Variants in KCNH5 observed in about 807,000 individuals in gnomAD.
KCNH5 encodes voltage-gated delayed rectifier potassium channel KCNH5.
Under a neutral mutation model 96.1 loss-of-function variants are expected in KCNH5, and 46 were observed. The ratio of observed to expected loss-of-function variants is 0.48; its 90% CI spans 0.38 to 0.61. The LOEUF (loss-of-function observed/expected upper bound fraction) is 0.61, where lower values mean the gene tolerates loss of function less well. KCNH5 is among the 20% of genes least tolerant of loss of function. The pLI is 0.00. For missense variants in KCNH5, 907 were observed against 1,225.8 expected (o/e 0.74, Z 3.88); for synonymous variants, 439 against 449.8 (o/e 0.98, Z 0.30).
At chr14:63,006,207 A>T (rs1891122185) in intron 3 of KCNH5, among the ~76,000 whole-genome samples, 159 bp downstream of exon 3, 1 of 152,152 alleles carries the variant, frequency 6.6e-6, no homozygotes, top group African/African-American at 2.4e-5. Context: ...AGAATTATTT[A>T]TTAATTTTAT....
intron 7 of KCNH5, among the ~76,000 whole-genome samples, chr14:62,857,101 C>A (rs1566684127): frequency 6.6e-6 from 1 of 152,076 alleles, no homozygotes; most frequent in Non-Finnish European, 1.5e-5. Context: ...ATTACCATAA[C>A]TGACTTTGTC....
intron 10 of KCNH5, among the ~76,000 whole-genome samples, chr14:62,738,792 A>G (rs976702442): frequency 2.0e-5 from 3 of 152,158 alleles, no homozygotes; most frequent in Non-Finnish European, 4.4e-5. Context: ...GCAGTTCGCA[A>G]TCCAGTTAGA....
chr14:62,749,874 G>A (rs748327675), intron 10 of KCNH5, among the ~76,000 whole-genome samples: 2 of 152,190 alleles, frequency 1.3e-5, no homozygotes, highest in Non-Finnish European at 2.9e-5. Context: ...TCCTAAGGCT[G>A]AAGATATGTT....
Position 62,908,868 on chromosome 14 carries a change from T to C in KCNH5, c.1369+41265A>G, listed in dbSNP as rs540641118. Among the ~76,000 whole-genome samples the C allele has an allele frequency of 3.6e-5, 5 of 139,692 alleles. No individual in the cohort carries two copies. In the East Asian group the frequency reaches 1.1e-3, roughly 31 times the overall value. 91.6% of individuals were successfully genotyped at this position (139,692 alleles called of 152,430 possible). ...CAATATGGAGTCCTGTGACTCCTTC[T>C]AGCAAATCACCAAACTTGGGGGTGG... is the stretch of plus-strand genomic sequence containing the variant. On this transcript the variant is annotated intron_variant, in intron 7 of 10. Coordinates refer to ENST00000322893, the MANE Select transcript of KCNH5 (RefSeq NM_139318.5).
At chr14:62,715,191 G>A (rs1412760790) in intron 10 of KCNH5, among the ~76,000 whole-genome samples, 1 of 152,066 alleles carries the variant, frequency 6.6e-6, no homozygotes, top group African/African-American at 2.4e-5. Context: ...ACTGAACTTT[G>A]AAATCCAATA....
intron 10 of KCNH5, among the ~76,000 whole-genome samples, chr14:62,746,565 A>G (rs1885379986): frequency 6.6e-6 from 1 of 152,248 alleles, no homozygotes; most frequent in Non-Finnish European, 1.5e-5. Context: ...CCAGCCATCT[A>G]TCCTGGAAAG....
chr14:62,950,236 A>C lies in KCNH5; in HGVS notation c.1266T>G (p.Ser422=). ...GPSKDSLYVS[S]LYFTMTSLTT... is the part of the protein sequence containing the mutation. ...TAAGGCTTGTCATGGTAAAGTAGAG[A>C]GAGGACACGTACAATGAATCCTTGC... The change falls in exon 7 of 11, where the codon TCT becomes TCG. Residue 422 remains serine, a synonymous_variant. Coordinates refer to ENST00000322893, the MANE Select transcript of KCNH5 (RefSeq NM_139318.5). The C allele has an allele frequency of 6.2e-7, 1 of 1,613,996 alleles. No homozygotes were observed. The highest frequency in any genetic ancestry group is 8.5e-7 in the Non-Finnish European group (1 of 1,179,936).
At chr14:62,874,591 C>A in intron 7 of KCNH5, among the ~76,000 whole-genome samples, 1 of 151,494 alleles carries the variant, frequency 6.6e-6, no homozygotes, top group Admixed American at 6.6e-5. Flanking sequence ...AGACAAAAAC[C>A]ACATGATTAT....
chr14:62,835,860 T>C (rs921406035), intron 8 of KCNH5, among the ~76,000 whole-genome samples: 2 of 152,046 alleles, frequency 1.3e-5, no homozygotes, highest in Admixed American at 6.6e-5. Flanking sequence ...CAATTTTTTA[T>C]GATTGCCCTC....
At chr14:62,925,003 G>A (rs1889446900) in intron 7 of KCNH5, among the ~76,000 whole-genome samples, 1 of 151,946 alleles carries the variant, frequency 6.6e-6, no homozygotes, top group Admixed American at 6.6e-5. Context: ...TGGTGGATAT[G>A]TTAATTAGCT....
chr14:62,930,498 T>A (rs1417204113), intron 7 of KCNH5, among the ~76,000 whole-genome samples: 2 of 152,152 alleles, frequency 1.3e-5, no homozygotes, highest in East Asian at 3.9e-4. Context: ...AAGATACAGC[T>A]TCACAAGCAT....
intron 7 of KCNH5, among the ~76,000 whole-genome samples, chr14:62,852,472 C>T (rs1887825810): frequency 6.6e-6 from 1 of 152,198 alleles, no homozygotes. Context: ...TGCAGAAATA[C>T]TGCAGAAAGC....
chr14:62,830,740 T>C (rs1389506326), intron 8 of KCNH5, among the ~76,000 whole-genome samples: 3 of 152,096 alleles, frequency 2.0e-5, no homozygotes, highest in Non-Finnish European at 1.5e-5. Context: ...ACCATATCAA[T>C]TGGTGATCCT....
At chr14:62,998,396 A>G (rs2139587840) in intron 4 of KCNH5, among the ~76,000 whole-genome samples, 1 of 152,292 alleles carries the variant, frequency 6.6e-6, no homozygotes, top group Middle Eastern at 3.4e-3. Flanking sequence ...GACCTGTTCA[A>G]AGAACCAGCT....
intron 8 of KCNH5, among the ~76,000 whole-genome samples, chr14:62,833,172 T>C (rs1887393354): frequency 6.6e-6 from 1 of 152,064 alleles, no homozygotes; most frequent in African/African-American, 2.4e-5. Flanking sequence ...CTATCTAGTT[T>C]TGGTTTTGTT....
chr14:62,877,781 G>A (rs28880367), intron 7 of KCNH5, among the ~76,000 whole-genome samples: 20,403 of 151,678 alleles, frequency 0.13, 1,580 homozygotes, highest in East Asian at 0.27. Flanking sequence ...GTGGAAGTCA[G>A]TGTGGTGATT....
chr14:63,015,389 T>G (rs1286051084), intron 2 of KCNH5, among the ~76,000 whole-genome samples: 7 of 152,026 alleles, frequency 4.6e-5, no homozygotes, highest in Non-Finnish European at 1.0e-4. Context: ...CTACATTTCA[T>G]GATGATGAAG....
At chr14:62,853,833 C>T (rs1887873663) in intron 7 of KCNH5, among the ~76,000 whole-genome samples, 1 of 151,508 alleles carries the variant, frequency 6.6e-6, no homozygotes, top group Admixed American at 6.6e-5. Flanking sequence ...ATGGTGAAAC[C>T]CCATCTCTAC....
intron 6 of KCNH5, among the ~76,000 whole-genome samples, chr14:62,963,192 C>A (rs1890245304): frequency 6.6e-6 from 1 of 152,006 alleles, no homozygotes; most frequent in South Asian, 2.1e-4. Context: ...TATAGTAATT[C>A]TTCTATGTTG....
Sources: gnomAD v4.1 joint callset for allele counts (sites outside exome capture counted in the v4.1 genomes callset) on GRCh38, gnomAD v4.1.1 for gene constraint, MANE v1.5 for transcripts, NCBI Gene and HGNC (gene_info 2026-07-23, HGNC 2026-07-21) for gene names.